KLF13: variants seen among roughly 807,000 people sequenced by gnomAD.
The protein encoded by KLF13 is Krueppel-like factor 13.
Under a neutral mutation model 16.7 loss-of-function variants are expected in KLF13, and 8 were observed. The observed-to-expected ratio is 0.48, with a 90% CI of 0.28 to 0.87. The LOEUF is 0.87. KLF13 is among the 40% of genes least tolerant of loss of function. KLF13 has a pLI of 0.10. For missense variants in KLF13, 447 were observed against 452.2 expected (o/e 0.99, Z 0.10); for synonymous variants, 245 against 208.4 (o/e 1.18, Z -1.51).
At chr15:31,351,688 A>T (rs1408039896) in intron 1 of KLF13, among the ~76,000 whole-genome samples, 1 of 152,146 alleles carries the variant, frequency 6.6e-6, no homozygotes, top group Non-Finnish European at 1.5e-5. Context: ...CCTGGCAGGG[A>T]GAGTGGGCGG....
intron 1 of KLF13, among the ~76,000 whole-genome samples, chr15:31,419,665 AG>A (rs1172995877): frequency 6.6e-6 from 1 of 152,214 alleles, no homozygotes; most frequent in Non-Finnish European, 1.5e-5. Context: ...AGAAAGCATA[AG>A]GGACTTATGA....
intron 1 of KLF13, among the ~76,000 whole-genome samples, chr15:31,352,279 G>C (rs2039228942): frequency 6.6e-6 from 1 of 152,228 alleles, no homozygotes; most frequent in South Asian, 2.1e-4. Context: ...GGAAAGGTGA[G>C]ATTGTCTCAC....
chr15:31,402,141 CAG>C (rs1566837961), intron 2 of KLF13, among the ~76,000 whole-genome samples: 2 of 152,206 alleles, frequency 1.3e-5, no homozygotes, highest in Non-Finnish European at 2.9e-5. Flanking sequence ...TCGAGGCTGT[CAG>C]GGGGCCCAAA....
At chr15:31,329,129 T>G (rs2038779775) in intron 1 of KLF13, among the ~76,000 whole-genome samples, 2 of 148,728 alleles carry the variant, frequency 1.3e-5, no homozygotes, top group African/African-American at 5.0e-5. Context: ...CCAAACCACG[T>G]GGCAGGTGAT....
chr15:31,351,139 C>A (rs573990091), intron 1 of KLF13, among the ~76,000 whole-genome samples: 4 of 152,300 alleles, frequency 2.6e-5, no homozygotes, highest in African/African-American at 9.6e-5. Context: ...CATGGACTTG[C>A]TTTTGGTGCT....
rs1354640813 is a variant in KLF13, at chr15:31,423,120, T to TAC, written n.118-12249_118-12248dup. On this transcript the variant is annotated intron_variant and non_coding_transcript_variant, in intron 1 of 1. Coordinates refer to the KLF13 transcript ENST00000558225. ...ATATACGTATACGTATACGTATATA[T>TAC]ACGTATATATACGTATACGTATACG... Among the ~76,000 whole-genome samples, 2 of 128,126 alleles carry TAC rather than the reference T, an allele frequency of 1.6e-5. 1 individual carries two copies. Among genetic ancestry groups the TAC allele is most frequent in the Non-Finnish European group, 3.1e-5 (2 of 63,552 alleles). The allele number at this position is 128,126 out of a possible 152,430, so 84.1% of individuals were successfully genotyped here. A position where few individuals can be genotyped will look rare whatever the true frequency, so the allele number is the denominator to read the frequency against.
downstream of KLF13, among the ~76,000 whole-genome samples, chr15:31,405,637 G>C (rs2040118204): frequency 6.6e-6 from 1 of 152,168 alleles, no homozygotes; most frequent in African/African-American, 2.4e-5. Flanking sequence ...TGGTCTTTTT[G>C]TAAAGATGAG....
intron 1 of KLF13, among the ~76,000 whole-genome samples, chr15:31,419,402 A>C (rs2040294925): frequency 6.6e-6 from 1 of 152,236 alleles, no homozygotes; most frequent in East Asian, 1.9e-4. Context: ...GTACACAGAT[A>C]GACAACTAAA....
chr15:31,430,057 A>T (rs928365497), intron 1 of KLF13, among the ~76,000 whole-genome samples: 1 of 152,166 alleles, frequency 6.6e-6, no homozygotes, highest in African/African-American at 2.4e-5. Context: ...TAAATTAAAG[A>T]TCATGCTCTG....
intron 1 of KLF13, among the ~76,000 whole-genome samples, chr15:31,417,887 A>T (rs1043771405): frequency 6.6e-6 from 1 of 152,222 alleles, no homozygotes; most frequent in African/African-American, 2.4e-5. Flanking sequence ...GACTAAGACA[A>T]TATTAAATGA....
intron 2 of KLF13, among the ~76,000 whole-genome samples, chr15:31,402,162 G>GT: frequency 6.6e-6 from 1 of 152,356 alleles, no homozygotes; most frequent in South Asian, 2.1e-4. Flanking sequence ...AAGAAGGGCT[G>GT]TGGGGGCCGG....
intron 1 of KLF13, among the ~76,000 whole-genome samples, chr15:31,368,496 T>G (rs560130910): frequency 1.3e-5 from 2 of 152,310 alleles, no homozygotes; most frequent in African/African-American, 4.8e-5. Context: ...GGACTAGATA[T>G]TTAAGGAACT....
At chr15:31,344,866 A>G (rs980834078) in intron 1 of KLF13, among the ~76,000 whole-genome samples, 5 of 152,078 alleles carry the variant, frequency 3.3e-5, no homozygotes, top group Non-Finnish European at 7.4e-5. Flanking sequence ...GGGTCCCCCA[A>G]GGAAGCCGCC....
Position 31,432,686 on chromosome 15 carries a change from G to A in KLF13, n.118-2684G>A, listed in dbSNP as rs898416480. ...GCTAGTCTTGAACTCCTGGACTCAA[G>A]CGATCCTCTTGCCTTAACTTCCCAA... On this transcript the variant is annotated intron_variant and non_coding_transcript_variant, in intron 1 of 1. Coordinates refer to the KLF13 transcript ENST00000558225. 2.0e-5 allele frequency among the ~76,000 whole-genome samples: 3 copies of A among 151,660 alleles called. No homozygotes were observed. The East Asian group carries it at 5.8e-4, about 29-fold the overall frequency.
At chr15:31,393,340 G>C (rs1387279072) in intron 1 of KLF13, 1 of 152,400 alleles carries the variant, frequency 6.6e-6, no homozygotes, top group Admixed American at 6.5e-5. Flanking sequence ...CGCACTCCCT[G>C]CACGCCTCTC....
rs529793819 is a variant in KLF13 at position 31,396,333 on chromosome 15, A to G, written n.529+2642A>G. Among the ~76,000 whole-genome samples, 12 of 152,086 alleles carry G rather than the reference A, an allele frequency of 7.9e-5. No homozygotes were observed. In the East Asian group the frequency reaches 2.1e-3, roughly 27 times the overall value. ...CCACCGTGCCCGGCCTAATTTTTGC[A>G]TTTTTAGTAGAGACAGGGTTTCACC... is the stretch of plus-strand genomic sequence containing the variant. On this transcript the variant is annotated intron_variant and non_coding_transcript_variant, in intron 2 of 2. Coordinates refer to the KLF13 transcript ENST00000500533.
At chr15:31,392,195 G>A (rs1302632737), upstream of KLF13, among the ~76,000 whole-genome samples, 1 of 152,182 alleles carries the variant, frequency 6.6e-6, no homozygotes, top group Non-Finnish European at 1.5e-5. Flanking sequence ...CCCAGCCCAC[G>A]GCGAGCTCAG....
chr15:31,433,641 G>A (rs1278428544), intron 1 of KLF13, among the ~76,000 whole-genome samples: 1 of 152,140 alleles, frequency 6.6e-6, no homozygotes, highest in Non-Finnish European at 1.5e-5. Flanking sequence ...CGTCCAGCCT[G>A]TGGGCTCAGA....
At chr15:31,382,702 G>A (rs976714951), downstream of KLF13, among the ~76,000 whole-genome samples, 4 of 152,198 alleles carry the variant, frequency 2.6e-5, no homozygotes, top group African/African-American at 9.7e-5. Context: ...CCAGTCCCAG[G>A]CACTGTGAGG....
Sources: gnomAD v4.1 joint callset for allele counts (sites outside exome capture counted in the v4.1 genomes callset) on GRCh38, gnomAD v4.1.1 for gene constraint, MANE v1.5 for transcripts, NCBI Gene and HGNC (gene_info 2026-07-23, HGNC 2026-07-21) for gene names.